PPP2R5A: variants seen among roughly 807,000 people sequenced by gnomAD.
PPP2R5A encodes serine/threonine-protein phosphatase 2A 56 kDa regulatory subunit alpha isoform.
A neutral mutation model predicts 64.2 loss-of-function variants in PPP2R5A; 25 were observed. The ratio of observed to expected loss-of-function variants is 0.39; its 90% CI spans 0.28 to 0.54. The LOEUF is 0.54. Among genes scored for constraint, PPP2R5A ranks in the 20% least tolerant of loss-of-function variants. The pLI, the probability that PPP2R5A is intolerant of heterozygous loss-of-function variation, is 0.67. For missense variants in PPP2R5A, 425 were observed against 576.3 expected, an observed-to-expected ratio of 0.74 and a Z score of 2.69; for synonymous variants, 198 against 201.2, an observed-to-expected ratio of 0.98 and a Z score of 0.13.
intron 1 of PPP2R5A, among the ~76,000 whole-genome samples, chr1:212,311,699 G>GGT (rs1468974675): frequency 6.6e-6 from 1 of 151,922 alleles, no homozygotes; most frequent in East Asian, 1.9e-4. Flanking sequence ...CCTGACCCTG[G>GGT]GTAGGCCTAA....
At chr1:212,331,560 T>A (rs1002519504) in intron 2 of PPP2R5A, 1 of 152,156 alleles carries the variant, frequency 6.6e-6, no homozygotes, top group African/African-American at 2.4e-5. Context: ...AGTGATAGTT[T>A]GAGAACATAA....
At chr1:212,350,411 T>C (rs1659854975) in intron 8 of PPP2R5A, among the ~76,000 whole-genome samples, 1 of 152,168 alleles carries the variant, frequency 6.6e-6, no homozygotes, top group Non-Finnish European at 1.5e-5. Context: ...CCCAGCACTT[T>C]GGGAGGCTGA....
chr1:212,345,444 G>A (rs1659761045), intron 4 of PPP2R5A, among the ~76,000 whole-genome samples: 1 of 152,056 alleles, frequency 6.6e-6, no homozygotes, highest in African/African-American at 2.4e-5. Flanking sequence ...GATTTTCTAT[G>A]TAGTTTTGAC....
chr1:212,305,803 C>G (rs761947099), intron 1 of PPP2R5A, among the ~76,000 whole-genome samples: 1 of 152,056 alleles, frequency 6.6e-6, no homozygotes, highest in Non-Finnish European at 1.5e-5. Context: ...CAAAATGACT[C>G]TCTTTAGATA....
At chr1:212,299,449 C>T (rs748803839) in intron 1 of PPP2R5A, 3 of 152,156 alleles carry the variant, frequency 2.0e-5, no homozygotes, top group Non-Finnish European at 4.4e-5. Flanking sequence ...ATTCTGGTCC[C>T]CTTTTACACA....
intron 4 of PPP2R5A, among the ~76,000 whole-genome samples, chr1:212,344,858 A>G (rs1391453897): frequency 6.6e-6 from 1 of 152,116 alleles, no homozygotes; most frequent in Admixed American, 6.6e-5. Flanking sequence ...TTTTTCAGCT[A>G]TTTGCTAAGC....
chr1:212,294,948 A>T (rs1658665291), intron 1 of PPP2R5A, among the ~76,000 whole-genome samples: 1 of 152,216 alleles, frequency 6.6e-6, no homozygotes, highest in South Asian at 2.1e-4. Flanking sequence ...ATGGAGACCC[A>T]AAGGTAATTG....
At chr1:212,356,150 A>C (rs1044188685) in intron 8 of PPP2R5A, among the ~76,000 whole-genome samples, 2 of 152,172 alleles carry the variant, frequency 1.3e-5, no homozygotes, top group Non-Finnish European at 2.9e-5. Flanking sequence ...TAGACTGAGA[A>C]GCTGTCCAGG....
At chr1:212,353,374 T>A (rs1372947934) in intron 8 of PPP2R5A, among the ~76,000 whole-genome samples, 1 of 152,194 alleles carries the variant, frequency 6.6e-6, no homozygotes, top group Non-Finnish European at 1.5e-5. Context: ...AGCAAGTCAC[T>A]AGGACAGCTC....
At chr1:212,312,186 C>G (rs560037230) in intron 1 of PPP2R5A, among the ~76,000 whole-genome samples, 188 of 152,278 alleles carry the variant, frequency 1.2e-3, no homozygotes, top group African/African-American at 4.3e-3. Flanking sequence ...AGCATGCTGA[C>G]AGTTTTGTAG....
At chr1:212,347,803 C>T (rs1407487964) in intron 6 of PPP2R5A, among the ~76,000 whole-genome samples, 1 of 152,194 alleles carries the variant, frequency 6.6e-6, no homozygotes. Context: ...CCTTCGGCCT[C>T]CCACAGTGCT....
At chr1:212,349,798 G>A (rs1659844541) in intron 8 of PPP2R5A, among the ~76,000 whole-genome samples, 1 of 152,176 alleles carries the variant, frequency 6.6e-6, no homozygotes, top group South Asian at 2.1e-4. Context: ...CCTCTAGAAT[G>A]AAAATTCAGG....
In PPP2R5A at chr1:212,298,069, C is replaced by T. The variant is rs1658730731; in HGVS notation, c.181+11778C>T. On this transcript the variant is annotated intron_variant, in intron 1 of 12. Coordinates refer to ENST00000261461, the MANE Select transcript of PPP2R5A (RefSeq NM_006243.4). The stretch of plus-strand genomic sequence containing the variant: ...CATCTGTTCAACAAAGCACATCTTG[C>T]ACCGCCCTTAATCCATCTAACCCTG... Among the ~76,000 whole-genome samples, 2 of 40,740 alleles carry T rather than the reference C, an allele frequency of 4.9e-5. 1 individual carries two copies. The highest frequency in any genetic ancestry group is 8.8e-5 in the Non-Finnish European group (2 of 22,670). The allele number at this position is 40,740 out of a possible 152,430, so 26.7% of individuals were successfully genotyped here. A position where few individuals can be genotyped will look rare whatever the true frequency, so the allele number is the denominator to read the frequency against.
intron 1 of PPP2R5A, among the ~76,000 whole-genome samples, chr1:212,327,763 G>T (rs1659432604): frequency 6.6e-6 from 1 of 152,068 alleles, no homozygotes; most frequent in South Asian, 2.1e-4. Context: ...ATACTAGAAA[G>T]AGAAAGAGAA....
Position 212,348,371 on chromosome 1 carries a change from G to C in PPP2R5A, c.765-18G>C. ...GTAGTAACTACTTAACCCTTCCCCTGCCTTTTTTTCCCTCCAGTATTATCA... is the reference window on the plus strand; with the variant it reads ...GTAGTAACTACTTAACCCTTCCCCTCCCTTTTTTTCCCTCCAGTATTATCA... On this transcript the variant is annotated intron_variant, in intron 6 of 12. Coordinates refer to ENST00000261461, the MANE Select transcript of PPP2R5A (RefSeq NM_006243.4). 1.3e-6 allele frequency: 2 copies of C among 1,515,462 alleles called. No homozygotes were observed. The highest frequency in any genetic ancestry group is 1.8e-6 in the Non-Finnish European group (2 of 1,092,578). The allele number at this position is 1,515,462 out of a possible 1,614,324, so 93.9% of individuals were successfully genotyped here.
intron 7 of PPP2R5A, 89 bp downstream of exon 7, chr1:212,348,586 TTTTAAG>T: frequency 1.0e-6 from 1 of 969,992 alleles, no homozygotes; most frequent in Non-Finnish European, 1.5e-6. Context: ...GAGATGACAG[TTTTAAG>T]TATAATTAAG....
intron 2 of PPP2R5A, 116 bp downstream of exon 2, chr1:212,329,447 T>C: frequency 1.1e-6 from 1 of 910,014 alleles, no homozygotes; most frequent in Non-Finnish European, 1.6e-6. Flanking sequence ...CCCCAAATTT[T>C]AGAAAATAGT....
chr1:212,291,119 A>T (rs381204), intron 1 of PPP2R5A, among the ~76,000 whole-genome samples: 71,127 of 151,010 alleles, frequency 0.47, 18,360 homozygotes, highest in East Asian at 0.64. Flanking sequence ...ATTTTATTTT[A>T]TTTTTTTTCA....
At chr1:212,339,864 C>A (rs1041464244) in intron 3 of PPP2R5A, among the ~76,000 whole-genome samples, 1 of 151,930 alleles carries the variant, frequency 6.6e-6, no homozygotes, top group African/African-American at 2.4e-5. Flanking sequence ...ACATTTGGCT[C>A]ATGTTTAATG....
Sources: allele counts gnomAD v4.1 joint callset (sites outside exome capture counted in the v4.1 genomes callset), GRCh38; gene constraint gnomAD v4.1.1; transcripts MANE v1.5; gene names NCBI Gene and HGNC (gene_info 2026-07-23, HGNC 2026-07-21).